BLTP1: variants seen among roughly 807,000 people sequenced by gnomAD.
The protein encoded by BLTP1 is fragile site-associated protein.
chr4:122,179,512 C>A, the BLTP1 span, among the ~76,000 whole-genome samples: 4 of 152,202 alleles, frequency 2.6e-5, no homozygotes, highest in East Asian at 5.8e-4. Context: ...TGTCCAGGAT[C>A]TTTTTTGTTA....
At chr4:122,311,530 G>A in the BLTP1 span, among the ~76,000 whole-genome samples, 1 of 151,988 alleles carries the variant, frequency 6.6e-6, no homozygotes. Flanking sequence ...ATAGGGCAGA[G>A]AAATAAGGAA....
the BLTP1 span, chr4:122,334,205 G>T: frequency 1.2e-6 from 1 of 809,060 alleles, no homozygotes; most frequent in Non-Finnish European, 1.9e-6. Flanking sequence ...AAAGAAACTT[G>T]CCAGGATCAC....
At chr4:122,239,576 AG>A in the BLTP1 span, 1 of 1,613,918 alleles carries the variant, frequency 6.2e-7, no homozygotes, top group Non-Finnish European at 8.5e-7. Flanking sequence ...ATAAGTCAGT[AG>A]GTCAATCTCC....
At chr4:122,313,985 C>T in the BLTP1 span, 3 of 918,138 alleles carry the variant, frequency 3.3e-6, no homozygotes, top group Admixed American at 6.2e-5. Context: ...AGTTAAGGCA[C>T]ATGTACAAAA....
At chr4:122,173,200 A>G in the BLTP1 span, 1 of 1,580,820 alleles carries the variant, frequency 6.3e-7, no homozygotes, top group Non-Finnish European at 8.6e-7. Context: ...TAATCTTGAG[A>G]TGTTGTCTTA....
the BLTP1 span, among the ~76,000 whole-genome samples, chr4:122,335,254 T>C: frequency 6.6e-6 from 1 of 152,010 alleles, no homozygotes; most frequent in Non-Finnish European, 1.5e-5. Flanking sequence ...GAAGCTGCAT[T>C]ATCTCTTATG....
At chr4:122,334,333 T>G in the BLTP1 span, 1 of 1,514,044 alleles carries the variant, frequency 6.6e-7, no homozygotes, top group Admixed American at 1.7e-5. Flanking sequence ...AGTTTATTTA[T>G]TTCAATACAG....
the BLTP1 span, chr4:122,245,958 T>G: frequency 9.4e-6 from 2 of 211,960 alleles, no homozygotes; most frequent in Non-Finnish European, 1.6e-5. Context: ...TGTGTATTAC[T>G]TTTCTCAACC....
chr4:122,352,918 C>T, the BLTP1 span: 1 of 1,613,850 alleles, frequency 6.2e-7, no homozygotes, highest in Admixed American at 1.7e-5. Context: ...TGATGCAGCA[C>T]ATCATCGACA....
chr4:122,219,148 G>C, the BLTP1 span: 1 of 984,760 alleles, frequency 1.0e-6, no homozygotes, highest in Non-Finnish European at 1.2e-6. Context: ...TTTTGCTACT[G>C]AATATTTGCC....
chr4:122,212,789 C>T, the BLTP1 span, among the ~76,000 whole-genome samples: 3 of 152,090 alleles, frequency 2.0e-5, no homozygotes, highest in Non-Finnish European at 4.4e-5. Flanking sequence ...GCATTAAAGG[C>T]TTTAAAGCAA....
chr4:122,215,892 G>C, the BLTP1 span, among the ~76,000 whole-genome samples: 1 of 150,372 alleles, frequency 6.7e-6, no homozygotes, highest in African/African-American at 2.5e-5. Context: ...TTATGCCTTT[G>C]TGACCTCATA....
chr4:122,252,944 C>T, the BLTP1 span, among the ~76,000 whole-genome samples: 1 of 152,146 alleles, frequency 6.6e-6, no homozygotes, highest in South Asian at 2.1e-4. Flanking sequence ...CCAGGAAGCT[C>T]AGCACACACA....
chr4:122,298,335 A>AG, the BLTP1 span: 1 of 428,346 alleles, frequency 2.3e-6, no homozygotes, highest in South Asian at 9.8e-5. Context: ...AGAAACTAAG[A>AG]ACTCTCTTAG....
the BLTP1 span, among the ~76,000 whole-genome samples, chr4:122,236,543 A>C: frequency 6.6e-6 from 1 of 152,168 alleles, no homozygotes; most frequent in Non-Finnish European, 1.5e-5. Context: ...ACTGAGTTGC[A>C]TGAAGTGATA....
At chr4:122,273,740 C>T in the BLTP1 span, among the ~76,000 whole-genome samples, 188 of 152,042 alleles carry the variant, frequency 1.2e-3, 1 homozygote, top group African/African-American at 4.5e-3. Context: ...GAAAAGATAT[C>T]TGTACAAAGA....
chr4:122,230,241 T>C, the BLTP1 span: 18 of 1,583,730 alleles, frequency 1.1e-5, no homozygotes, highest in Non-Finnish European at 1.6e-5. Flanking sequence ...ATGGCAGTAG[T>C]CTCCTGTTCA....
the BLTP1 span, among the ~76,000 whole-genome samples, chr4:122,343,025 T>TC: frequency 6.6e-6 from 1 of 152,208 alleles, no homozygotes; most frequent in Non-Finnish European, 1.5e-5. Context: ...AAATGTGGAC[T>TC]CCAAGTATAT....
chr4:122,195,763 T>A, the BLTP1 span: 1 of 451,084 alleles, frequency 2.2e-6, no homozygotes, highest in Non-Finnish European at 2.9e-6. Flanking sequence ...AACTTTATTT[T>A]CCTTTCATAT....
Sources: gnomAD v4.1 joint callset for allele counts (sites outside exome capture counted in the v4.1 genomes callset) on GRCh38, gnomAD v4.1.1 for gene constraint, MANE v1.5 for transcripts, NCBI Gene and HGNC (gene_info 2026-07-23, HGNC 2026-07-21) for gene names.